Variants in GFRA3 observed in about 807,000 individuals in gnomAD.
GFRA3 encodes GDNF family receptor alpha 3, also known as GDNF family receptor alpha-3.
Under a neutral mutation model 40.0 loss-of-function variants are expected in GFRA3, and 24 were observed. The ratio of observed to expected loss-of-function variants is 0.60; its 90% confidence interval spans 0.43 to 0.84. GFRA3 has a LOEUF of 0.84. Among genes scored for constraint, GFRA3 ranks in the 40% least tolerant of loss-of-function variants. GFRA3 has a pLI of 0.00. For synonymous variants in GFRA3, 203 were observed against 213.5 expected (o/e 0.95, Z 0.43); for missense variants, 405 against 530.6 (o/e 0.76, Z 2.33).
At chr5:138,254,599 C>T (rs1755600414) in intron 4 of GFRA3, among the ~76,000 whole-genome samples, 1 of 152,124 alleles carries the variant, frequency 6.6e-6, no homozygotes, top group Admixed American at 6.6e-5. Context: ...CAGAGCCTGG[C>T]CCAGAGCCTT....
intron 4 of GFRA3, among the ~76,000 whole-genome samples, chr5:138,254,523 C>G (rs1249992078): frequency 6.6e-6 from 1 of 152,100 alleles, no homozygotes; most frequent in Non-Finnish European, 1.5e-5. Flanking sequence ...GTCCAGCCTG[C>G]AGCCTTCTCC....
intron 6 of GFRA3, 38 bp from the exon 7 acceptor site, chr5:138,253,413 G>A (rs910391536): frequency 7.7e-7 from 1 of 1,296,476 alleles, no homozygotes; most frequent in Middle Eastern, 1.8e-4. Context: ...AAGGGTATGG[G>A]GGCAGGAGAT....
chr5:138,269,400 G>A (rs553702352), intron 1 of GFRA3, among the ~76,000 whole-genome samples: 1 of 152,044 alleles, frequency 6.6e-6, no homozygotes, highest in East Asian at 1.9e-4. Context: ...GCCAGGTGTG[G>A]AGGCGGGCAC....
rs764481729 is a variant in GFRA3 at position 138,264,352 on chromosome 5, G to A, written c.288C>T (p.Ser96=). ...CLEAAQQLRN[S]SLIGCMCHRR... ...GGTGGCACATGCAGCCTATCAGAGA[G>A]CTGTTCCTGAGTTGCTGTGCTGCCT... Residue 96 remains serine (S), a synonymous_variant, in exon 2 of 8, where the codon AGC becomes AGT. Coordinates refer to ENST00000274721, the MANE Select transcript of GFRA3 (RefSeq NM_001496.4). The A allele has an allele frequency of 6.2e-7, 1 of 1,613,798 alleles. No homozygotes were observed. The highest frequency in any genetic ancestry group is 1.3e-5 in the African/African-American group (1 of 74,924).
intron 1 of GFRA3, among the ~76,000 whole-genome samples, chr5:138,271,288 C>T (rs1478585043): frequency 2.0e-5 from 3 of 152,104 alleles, no homozygotes; most frequent in South Asian, 2.1e-4. Context: ...CCACTGTGCC[C>T]GGCCATAAAT....
At chr5:138,265,108 G>A (rs956813791) in intron 1 of GFRA3, among the ~76,000 whole-genome samples, 3 of 151,764 alleles carry the variant, frequency 2.0e-5, no homozygotes, top group African/African-American at 4.8e-5. Flanking sequence ...TCCACAGCCC[G>A]GAAGGAAGCC....
In GFRA3 at chr5:138,274,467, C is replaced by T. The variant is rs1235435090; in HGVS notation, c.-43G>A. Reference sequence around the variant, plus strand: ...GGGCTCCGCGCTCCCCTCGCTCCTCCCCTGGAGCTCTGAGAGCGGGGCTCC... The same window carrying T: ...GGGCTCCGCGCTCCCCTCGCTCCTCTCCTGGAGCTCTGAGAGCGGGGCTCC... On this transcript the variant is annotated 5_prime_UTR_variant, in exon 1 of 8. Coordinates refer to ENST00000274721, the MANE Select transcript of GFRA3 (RefSeq NM_001496.4). The T allele has an allele frequency of 7.9e-7, 1 of 1,262,390 alleles. No homozygotes were observed. Among genetic ancestry groups the T allele is most frequent in the African/African-American group, 1.5e-5 (1 of 64,678 alleles). The allele number at this position is 1,262,390 out of a possible 1,614,324, so 78.2% of individuals were successfully genotyped here.
intron 2 of GFRA3, 45 bp downstream of exon 2, chr5:138,264,216 G>A (rs1755749024): frequency 6.8e-7 from 1 of 1,462,850 alleles, no homozygotes; most frequent in African/African-American, 1.4e-5. Context: ...CAACCCCCAA[G>A]AGCCATCTTC....
chr5:138,258,049 G>T (rs1755658661), intron 3 of GFRA3, 98 bp from the exon 4 acceptor site: 4 of 943,860 alleles, frequency 4.2e-6, no homozygotes, highest in Non-Finnish European at 6.8e-6. Flanking sequence ...TGACAAGAAG[G>T]TAGTGGATAT....
At chr5:138,254,185 TTC>T in intron 4 of GFRA3, 25 bp from the exon 5 acceptor site, 4 of 1,350,182 alleles carry the variant, frequency 3.0e-6, no homozygotes, top group African/African-American at 1.4e-5. Context: ...ATTTCTGTCT[TTC>T]TTTTTTTTTT....
At chr5:138,263,058 G>A (rs541936077) in intron 2 of GFRA3, among the ~76,000 whole-genome samples, 3 of 152,140 alleles carry the variant, frequency 2.0e-5, no homozygotes, top group South Asian at 4.2e-4. Flanking sequence ...TCTGCTTCCC[G>A]GGTTCAAGTG....
intron 4 of GFRA3, among the ~76,000 whole-genome samples, chr5:138,254,716 AT>A (rs781605699): frequency 6.6e-6 from 1 of 152,190 alleles, no homozygotes; most frequent in Non-Finnish European, 1.5e-5. Context: ...GAGATCTCAG[AT>A]AGCTTCTTTA....
rs576077437 is a variant in GFRA3 at position 138,253,660 on chromosome 5, G to A, written c.1024+106C>T. ...GCCTATGCTAGGAACTGCTCTGTTT[G>A]GTGGAGATGGATGGAACCAGCCTGG... On this transcript the variant is annotated intron_variant, in intron 6 of 7. Coordinates refer to ENST00000274721, the MANE Select transcript of GFRA3 (RefSeq NM_001496.4). The A allele has an allele frequency of 1.2e-4, 121 of 1,026,790 alleles. 2 individuals carry two copies. In the South Asian group the frequency reaches 1.3e-3, roughly 11 times the overall value. 63.6% of individuals were successfully genotyped at this position (1,026,790 alleles called of 1,614,324 possible). A position where few individuals can be genotyped will look rare whatever the true frequency, so the allele number is the denominator to read the frequency against.
In GFRA3 at chr5:138,254,042, T is replaced by C. The variant is rs754002363; in HGVS notation, c.889+15A>G. 6.3e-7 allele frequency: 1 copy of C among 1,586,800 alleles called. No individual in the cohort carries two copies. The highest frequency in any genetic ancestry group is 1.7e-4 in the Middle Eastern group (1 of 5,996). On this transcript the variant is annotated intron_variant, in intron 5 of 7. Transcript: ENST00000274721. ...TAGCCAACATAGGGTTCCCTACACA[T>C]GCCCCCAGCCTCACCAATCAGCCCC...
At chr5:138,272,731 G>C (rs930344267) in intron 1 of GFRA3, among the ~76,000 whole-genome samples, 1 of 152,086 alleles carries the variant, frequency 6.6e-6, no homozygotes, top group African/African-American at 2.4e-5. Context: ...AACGGGTGGA[G>C]TAATGACTGC....
intron 1 of GFRA3, among the ~76,000 whole-genome samples, chr5:138,271,945 G>GT (rs1581515827): frequency 8.1e-5 from 10 of 124,090 alleles, no homozygotes; most frequent in South Asian, 2.6e-4. Flanking sequence ...GTGTGTGTGT[G>GT]GTTTGGTTGT....
chr5:138,264,243 C>T lies in GFRA3; in HGVS notation c.379+18G>A. On this transcript the variant is annotated intron_variant, in intron 2 of 7. Coordinates refer to ENST00000274721, the MANE Select transcript of GFRA3 (RefSeq NM_001496.4). Reference sequence around the variant, plus strand: ...GCCATCTTCCCCAGCTTAGTCCACTCTATAATGGGAGCCTCACCAAGGCTG... The same window carrying T: ...GCCATCTTCCCCAGCTTAGTCCACTTTATAATGGGAGCCTCACCAAGGCTG... 1.3e-6 allele frequency: 2 copies of T among 1,577,108 alleles called. No homozygotes were observed. The highest frequency in any genetic ancestry group is 1.7e-6 in the Non-Finnish European group (2 of 1,155,110).
chr5:138,270,658 A>C (rs1303118712), intron 1 of GFRA3, among the ~76,000 whole-genome samples: 1 of 152,164 alleles, frequency 6.6e-6, no homozygotes, highest in Non-Finnish European at 1.5e-5. Flanking sequence ...ATCAGCACTA[A>C]AGAACTTACT....
At chr5:138,253,497 T>C (rs1755580567) in intron 6 of GFRA3, 122 bp from the exon 7 acceptor site, 3 of 723,762 alleles carry the variant, frequency 4.1e-6, no homozygotes, top group Non-Finnish European at 7.5e-6. Context: ...GGGTGGGAGG[T>C]GGAAGTGGGA....
Sources: gnomAD v4.1 joint callset for allele counts (sites outside exome capture counted in the v4.1 genomes callset) on GRCh38, gnomAD v4.1.1 for gene constraint, MANE v1.5 for transcripts, NCBI Gene and HGNC (gene_info 2026-07-23, HGNC 2026-07-21) for gene names.